AGBL1: variants seen among roughly 807,000 people sequenced by gnomAD.
The protein encoded by AGBL1 is AGBL carboxypeptidase 1.
In AGBL1, 130 loss-of-function variants were observed where a neutral mutation model predicts 118.9. The observed-to-expected ratio is 1.09, with a 90% CI of 0.95 to 1.26. AGBL1 has a LOEUF of 1.26. Among genes scored for constraint, AGBL1 ranks in the 50% most tolerant of loss-of-function variants. The pLI, the probability that AGBL1 is intolerant of heterozygous loss-of-function variation, is 0.00. For synonymous variants in AGBL1, 555 were observed against 478.9 expected, an observed-to-expected ratio of 1.16 and a Z score of -2.08; for missense variants, 1,584 against 1,298.1, an observed-to-expected ratio of 1.22 and a Z score of -3.38.
chr15:86,274,524 T>C (rs1366568571), intron 15 of AGBL1, among the ~76,000 whole-genome samples: 2 of 152,200 alleles, frequency 1.3e-5, no homozygotes, highest in Non-Finnish European at 2.9e-5. Flanking sequence ...AAAGTAAGCT[T>C]CTGTAAACTT....
At chr15:86,433,056 C>T (rs565099500) in intron 18 of AGBL1, among the ~76,000 whole-genome samples, 7 of 152,254 alleles carry the variant, frequency 4.6e-5, no homozygotes, top group African/African-American at 1.7e-4. Flanking sequence ...GATGACTCAG[C>T]TGTGCTCAAG....
intron 22 of AGBL1, among the ~76,000 whole-genome samples, chr15:86,687,778 C>A (rs1596370656): frequency 1.3e-5 from 2 of 152,026 alleles, no homozygotes; most frequent in South Asian, 4.1e-4. Flanking sequence ...TTATATAATT[C>A]TTCACTATGT....
chr15:86,504,580 C>A (rs1437147058), intron 18 of AGBL1, among the ~76,000 whole-genome samples: 2 of 151,122 alleles, frequency 1.3e-5, no homozygotes, highest in East Asian at 1.9e-4. Context: ...TTTTTGAATT[C>A]TTTTATAACT....
chr15:86,232,929 A>AATAAAT (rs1308089380), intron 6 of AGBL1, among the ~76,000 whole-genome samples: 3 of 152,174 alleles, frequency 2.0e-5, no homozygotes, highest in Non-Finnish European at 4.4e-5. Context: ...AGTGTTTATT[A>AATAAAT]GAGTACCTGC....
rs115459800 is a variant in AGBL1, at chr15:86,629,324, T to C, written c.2995-44949T>C. The stretch of plus-strand genomic sequence containing the variant: ...GCCAAGATGCATGGCAAATTCATGT[T>C]TGCTGGGCAAAAGATTTACTCTGAA... On this transcript the variant is annotated intron_variant, in intron 21 of 22. Transcript: ENST00000614907. Among the ~76,000 whole-genome samples the C allele has an allele frequency of 5.2e-3, 787 of 152,306 alleles. 4 individuals are homozygous for C. Among genetic ancestry groups the C allele is most frequent in the African/African-American group, 0.018 (755 of 41,564 alleles).
intron 1 of AGBL1, among the ~76,000 whole-genome samples, chr15:86,136,381 GCCAGGCCA>G (rs2076889204): frequency 6.6e-6 from 1 of 152,186 alleles, no homozygotes; most frequent in African/African-American, 2.4e-5. Flanking sequence ...TCTTGGAGAG[GCCAGGCCA>G]CCACAGTGCC....
At chr15:86,556,591 C>T (rs560409777) in intron 21 of AGBL1, among the ~76,000 whole-genome samples, 1 of 152,270 alleles carries the variant, frequency 6.6e-6, no homozygotes, top group Non-Finnish European at 1.5e-5. Context: ...AGGAAGCCAG[C>T]CTGGAGTTGG....
At chr15:86,141,839 C>G (rs2076967231) in intron 1 of AGBL1, among the ~76,000 whole-genome samples, 165 bp from the exon 2 acceptor site, 1 of 152,198 alleles carries the variant, frequency 6.6e-6, no homozygotes, top group African/African-American at 2.4e-5. Context: ...GAGGGAGGCA[C>G]AGCCCCTGGG....
intron 22 of AGBL1, among the ~76,000 whole-genome samples, chr15:86,680,014 A>G (rs1376015047): frequency 6.6e-6 from 1 of 152,160 alleles, no homozygotes; most frequent in Admixed American, 6.5e-5. Context: ...GACCTGGAAC[A>G]CTTTAAATTT....
intron 17 of AGBL1, among the ~76,000 whole-genome samples, chr15:86,347,529 T>A (rs2080557317): frequency 6.6e-6 from 1 of 152,236 alleles, no homozygotes; most frequent in Non-Finnish European, 1.5e-5. Flanking sequence ...AGAAATGAAC[T>A]TTTTCTAGCC....
chr15:86,709,198 A>G (rs946748812), intron 22 of AGBL1, among the ~76,000 whole-genome samples: 3 of 152,102 alleles, frequency 2.0e-5, no homozygotes, highest in African/African-American at 7.2e-5. Flanking sequence ...GACAGACTCA[A>G]TCCAGGCACT....
At chr15:86,634,281 T>G (rs1258519189) in intron 21 of AGBL1, among the ~76,000 whole-genome samples, 1 of 152,146 alleles carries the variant, frequency 6.6e-6, no homozygotes, top group Admixed American at 6.6e-5. Context: ...ATAGCAGCGC[T>G]ATTTATAACA....
At chr15:86,717,106 T>G (rs956411803) in intron 22 of AGBL1, among the ~76,000 whole-genome samples, 2 of 152,324 alleles carry the variant, frequency 1.3e-5, no homozygotes, top group Middle Eastern at 3.4e-3. Flanking sequence ...GATGGAAATA[T>G]GTCCTAGGTG....
chr15:86,341,083 C>A (rs1415896165), intron 17 of AGBL1, among the ~76,000 whole-genome samples: 2 of 152,182 alleles, frequency 1.3e-5, no homozygotes, highest in Non-Finnish European at 2.9e-5. Context: ...CATGCAAAGT[C>A]CAGGTCTCCC....
intron 22 of AGBL1, among the ~76,000 whole-genome samples, chr15:86,686,073 T>C (rs1848149016): frequency 6.6e-6 from 1 of 152,208 alleles, no homozygotes; most frequent in African/African-American, 2.4e-5. Context: ...TTGATCTTTA[T>C]GTATTTAATT....
chr15:86,988,083 C>G, exon 24 of AGBL1: 1 of 1,613,512 alleles, frequency 6.2e-7, no homozygotes, highest in Non-Finnish European at 8.5e-7. Flanking sequence ...TTCTGCATGT[C>G]TCCCCGTGAG....
intron 18 of AGBL1, among the ~76,000 whole-genome samples, chr15:86,510,274 T>C (rs918697193): frequency 1.3e-5 from 2 of 152,146 alleles, no homozygotes; most frequent in Non-Finnish European, 2.9e-5. Context: ...CATCTGCTAG[T>C]TAGCAGGAAA....
intron 6 of AGBL1, among the ~76,000 whole-genome samples, chr15:86,236,167 G>A (rs561341980): frequency 3.1e-4 from 47 of 152,232 alleles, no homozygotes; most frequent in African/African-American, 1.1e-3. Context: ...ACAGATGACA[G>A]TGTAGCTGCT....
At chr15:86,896,091 T>TAAA (rs1197195602) in intron 22 of AGBL1, among the ~76,000 whole-genome samples, 2 of 152,184 alleles carry the variant, frequency 1.3e-5, no homozygotes, top group East Asian at 3.8e-4. Flanking sequence ...GTTTTTTCAT[T>TAAA]TAGAGAAAAG....
Sources: gnomAD v4.1 joint callset for allele counts (sites outside exome capture counted in the v4.1 genomes callset) on GRCh38, gnomAD v4.1.1 for gene constraint, MANE v1.5 for transcripts, NCBI Gene and HGNC (gene_info 2026-07-23, HGNC 2026-07-21) for gene names.